The following SLCO3A1 variants were observed in gnomAD, a reference collection of about 807,000 sequenced individuals.
SLCO3A1 encodes the protein solute carrier organic anion transporter family member 3A1.
A neutral mutation model predicts 63.1 loss-of-function variants in SLCO3A1; 27 were observed. The ratio of observed to expected loss-of-function variants is 0.43; its 90% CI spans 0.32 to 0.59. The LOEUF is 0.59. Among genes scored for constraint, SLCO3A1 ranks in the 20% least tolerant of loss-of-function variants. The pLI is 0.09. For synonymous variants in SLCO3A1, 473 were observed against 409.9 expected, an observed-to-expected ratio of 1.15 and a Z score of -1.86; for missense variants, 773 against 945.8, an observed-to-expected ratio of 0.82 and a Z score of 2.40.
rs1301166503 is a variant in SLCO3A1, at chr15:91,859,450, T to C, written c.180+5362T>C. ...ACACTTGTATTTTATGTAGCCTAAG[T>C]GTTTATGTGTTAGCATGAGACAAAT... On this transcript the variant is annotated intron_variant, in intron 1 of 9. Coordinates refer to ENST00000318445, the MANE Select transcript of SLCO3A1 (RefSeq NM_013272.4). This position sits in a 1 kb window ranked among gnomAD's most constrained non-coding sequence, Gnocchi z 5.1. 6.6e-6 allele frequency among the ~76,000 whole-genome samples: 1 copy of C among 152,212 alleles called. No homozygotes were observed. Among genetic ancestry groups the C allele is most frequent in the Non-Finnish European group, 1.5e-5 (1 of 68,040 alleles).
chr15:92,056,544 T>C (rs1264939449), intron 2 of SLCO3A1, among the ~76,000 whole-genome samples: 1 of 152,214 alleles, frequency 6.6e-6, no homozygotes, highest in Non-Finnish European at 1.5e-5. Context: ...TTTTAAACTA[T>C]AGACTCATCT....
At chr15:91,957,803 GA>G (rs1483463959) in intron 2 of SLCO3A1, among the ~76,000 whole-genome samples, 2 of 152,110 alleles carry the variant, frequency 1.3e-5, no homozygotes, top group Non-Finnish European at 2.9e-5. Context: ...TCATTAATTA[GA>G]TATATAGTTT....
intron 2 of SLCO3A1, among the ~76,000 whole-genome samples, chr15:92,025,458 T>G (rs1597233370): frequency 6.6e-6 from 1 of 152,240 alleles, no homozygotes; most frequent in Admixed American, 6.5e-5. Flanking sequence ...TTGCTGCTGC[T>G]GCTGCTACCA....
At position 92,165,025 on chromosome 15, in the gene SLCO3A1, A is replaced by G; in HGVS notation, c.*1890A>G. 1 of 968,454 alleles carries G rather than the reference A, an allele frequency of 1.0e-6. No individual in the cohort carries two copies. The highest frequency in any genetic ancestry group is 1.8e-5 in the African/African-American group (1 of 56,122). The allele number at this position is 968,454 out of a possible 1,614,324, so 60.0% of individuals were successfully genotyped here. ...TTGCATTTTACCCACAAGGCAAACA[A>G]AAGAATCAGGAAGTAAAAAATGGTT... On this transcript the variant is annotated 3_prime_UTR_variant, in exon 10 of 10. Transcript: ENST00000318445.
At position 92,116,562 on chromosome 15, in the gene SLCO3A1, A is replaced by G. The variant is rs190184503; in HGVS notation, c.1010-3903A>G. Among the ~76,000 whole-genome samples the G allele has an allele frequency of 2.0e-4, 30 of 152,348 alleles. 1 individual carries two copies. The highest frequency in any genetic ancestry group is 8.5e-4 in the Admixed American group (13 of 15,308). On this transcript the variant is annotated intron_variant, in intron 4 of 9. Transcript: ENST00000318445. Reference sequence around the variant, plus strand: ...TGGCTAAGAGAGTCTGCAGGTGTTCAATGGCCTGGTGTGGCCTTGGTTCAC... The same window carrying G: ...TGGCTAAGAGAGTCTGCAGGTGTTCGATGGCCTGGTGTGGCCTTGGTTCAC...
intron 2 of SLCO3A1, among the ~76,000 whole-genome samples, chr15:92,007,017 A>T (rs1433861871): frequency 6.6e-6 from 1 of 152,212 alleles, no homozygotes; most frequent in Non-Finnish European, 1.5e-5. Flanking sequence ...TATAACCTGG[A>T]ATGTCATATT....
intron 2 of SLCO3A1, among the ~76,000 whole-genome samples, chr15:91,920,687 C>T (rs1898814873): frequency 6.6e-6 from 1 of 152,168 alleles, no homozygotes; most frequent in Admixed American, 6.5e-5. Context: ...TTTTGAACCG[C>T]AGTAACCACT....
Position 92,104,517 on chromosome 15 carries a change from T to G in SLCO3A1, c.984T>G (p.Ser328Arg). The G allele has an allele frequency of 6.2e-7, 1 of 1,613,718 alleles. No homozygotes were observed. Among genetic ancestry groups the G allele is most frequent in the Non-Finnish European group, 8.5e-7 (1 of 1,179,980 alleles). ...GGCACCCCCTGGAGCCAGACAGCAGTGCCTCCTGTTTCCAGCAGCTGAGAG... is the reference window on the plus strand; with the variant it reads ...GGCACCCCCTGGAGCCAGACAGCAGGGCCTCCTGTTTCCAGCAGCTGAGAG... ...VLRHPLEPDSSASCFQQLRVI... is the reference protein window; with the variant it reads ...VLRHPLEPDSRASCFQQLRVI... The change falls in exon 4 of 10, where the codon AGT becomes AGG. Residue 328 changes from serine (S) to arginine (R), a missense_variant. This residue lies in a region of SLCO3A1 where 565 missense variants were observed against 749.8 expected (regional missense o/e 0.75). Transcript: ENST00000318445.
intron 2 of SLCO3A1, among the ~76,000 whole-genome samples, chr15:92,008,462 T>C (rs2046335872): frequency 6.6e-6 from 1 of 152,264 alleles, no homozygotes. Context: ...TTATGAAGTA[T>C]CTAGCTGAGT....
intron 8 of SLCO3A1, 81 bp downstream of exon 8, chr15:92,147,240 A>C: frequency 2.9e-6 from 4 of 1,392,510 alleles, no homozygotes; most frequent in Non-Finnish European, 3.9e-6. Context: ...AGAGCTTCAG[A>C]CAACAGGAAT....
chr15:91,884,493 CAG>C (rs1310061315), intron 1 of SLCO3A1, among the ~76,000 whole-genome samples: 2 of 117,958 alleles, frequency 1.7e-5, no homozygotes, highest in African/African-American at 6.6e-5. Context: ...CCCTGGGCAA[CAG>C]AGTGAGATTC....
chr15:92,032,747 G>A (rs1192445168), intron 2 of SLCO3A1, among the ~76,000 whole-genome samples: 2 of 152,148 alleles, frequency 1.3e-5, no homozygotes, highest in Non-Finnish European at 2.9e-5. Context: ...GGGAAAGCAG[G>A]CCAAGTTGGA....
rs189665991 is a variant in SLCO3A1 at position 92,159,265 on chromosome 15, T to C, written c.1754-3491T>C. 8.9e-3 allele frequency among the ~76,000 whole-genome samples: 1,350 copies of C among 152,264 alleles called. 15 individuals are homozygous for C. The highest frequency in any genetic ancestry group is 0.031 in the African/African-American group (1,290 of 41,544). On this transcript the variant is annotated intron_variant, in intron 9 of 9. Coordinates refer to ENST00000318445, the MANE Select transcript of SLCO3A1 (RefSeq NM_013272.4). Reference sequence around the variant, plus strand: ...ACTTTGGGAGGCTGAGGCAGGCAGATCACAAGGTCAAGAGATCGAGACCAT... The same window carrying C: ...ACTTTGGGAGGCTGAGGCAGGCAGACCACAAGGTCAAGAGATCGAGACCAT...
Position 92,079,689 on chromosome 15 carries a change from G to A in SLCO3A1, c.647-15192G>A, listed in dbSNP as rs185903148. On this transcript the variant is annotated intron_variant, in intron 2 of 9. Coordinates refer to ENST00000318445, the MANE Select transcript of SLCO3A1 (RefSeq NM_013272.4). ...AGGGGACACAGTCCAGCCCGTAATA[G>A]GGGGAGAGCAGGGCAGGTGACTGCC... Among the ~76,000 whole-genome samples the A allele has an allele frequency of 1.0e-3, 152 of 152,338 alleles. 2 individuals carry two copies. The East Asian group carries it at 0.018, about 18-fold the overall frequency.
intron 2 of SLCO3A1, among the ~76,000 whole-genome samples, chr15:91,991,110 C>T (rs2046120865): frequency 6.6e-6 from 1 of 152,174 alleles, no homozygotes; most frequent in Non-Finnish European, 1.5e-5. Context: ...TGGCTCACGC[C>T]TGTAATCCCA....
intron 2 of SLCO3A1, among the ~76,000 whole-genome samples, chr15:92,074,173 AAAAAT>A (rs1167736557): frequency 6.6e-6 from 1 of 152,224 alleles, no homozygotes; most frequent in Non-Finnish European, 1.5e-5. Context: ...CTCCTTCTGA[AAAAAT>A]AAAGAGAACC....
At position 92,126,165 on chromosome 15, in the gene SLCO3A1, G is replaced by A. The variant is rs776789535; in HGVS notation, c.1279G>A (p.Val427Ile). Residue 427 changes from valine (V) to isoleucine (I), a missense_variant, in exon 6 of 10, where the codon GTC becomes ATC. Val to Ile is a conservative substitution (Grantham distance 29). Around this residue, in one of 3 missense-constraint regions of SLCO3A1, gnomAD observed 565 missense variants for 749.8 expected, o/e 0.75. Transcript: ENST00000318445. ...ALGAIRMAML[V>I]NLVSTACYVS... ...GGGGGCCATTCGGATGGCCATGCTC[G>A]TCAACCTGGTGTCCACTGCTTGCTA... The A allele has an allele frequency of 9.9e-6, 16 of 1,613,960 alleles. No homozygotes were observed. The highest frequency in any genetic ancestry group is 2.2e-5 in the East Asian group (1 of 44,844).
intron 2 of SLCO3A1, among the ~76,000 whole-genome samples, chr15:91,936,095 C>T (rs1002664559): frequency 2.0e-5 from 3 of 152,298 alleles, no homozygotes. Context: ...TGTAGCTTAG[C>T]TTCCTCCCAG....
intron 9 of SLCO3A1, among the ~76,000 whole-genome samples, chr15:92,153,316 C>A (rs564803658): frequency 1.3e-5 from 2 of 151,984 alleles, no homozygotes; most frequent in Non-Finnish European, 2.9e-5. Flanking sequence ...CTATTCTAGT[C>A]TATTACATGC....
Sources: gnomAD v4.1 joint callset for allele counts (sites outside exome capture counted in the v4.1 genomes callset) on GRCh38, gnomAD v4.1.1 for gene constraint, gnomAD v4.1.1 regional missense constraint, Gnocchi (gnomAD v3.1) non-coding constraint, MANE v1.5 for transcripts, NCBI Gene and HGNC (gene_info 2026-07-23, HGNC 2026-07-21) for gene names.